The following DMXL1 variants were observed in gnomAD, a reference collection of about 807,000 sequenced individuals.
The protein encoded by DMXL1 is Dmx like 1.
A neutral mutation model predicts 319.2 loss-of-function variants in DMXL1; 99 were observed. That is an observed-to-expected ratio of 0.31 (90% CI 0.26 to 0.37). The LOEUF (loss-of-function observed/expected upper bound fraction) is 0.37. Ranked by LOEUF, DMXL1 falls within the 10% of genes least tolerant of loss-of-function variation. DMXL1 has a pLI of 1.00. For missense variants in DMXL1, 3,745 were observed against 3,595.6 expected (o/e 1.04, Z -1.06); for synonymous variants, 1,385 against 1,235.2 (o/e 1.12, Z -2.54).
intron 26 of DMXL1, 77 bp downstream of exon 26, chr5:119,175,414 G>A: frequency 9.5e-7 from 1 of 1,050,888 alleles, no homozygotes; most frequent in Non-Finnish European, 1.4e-6. Context: ...TAGTGGTTTA[G>A]AACTATATAT....
chr5:119,210,585 G>T (rs79421171), intron 34 of DMXL1, among the ~76,000 whole-genome samples: 4,211 of 152,044 alleles, frequency 0.028, 183 homozygotes, highest in African/African-American at 0.096. Flanking sequence ...TCAAAAATCA[G>T]TTGACACAGA....
In DMXL1 at chr5:119,121,087, T is replaced by C. The variant is rs1270068027; in HGVS notation, c.1050T>C (p.His350=). 2 of 1,612,512 alleles carry C rather than the reference T, an allele frequency of 1.2e-6. No individual in the cohort carries two copies. Among genetic ancestry groups the C allele is most frequent in the Admixed American group, 1.7e-5 (1 of 59,366 alleles). The part of the protein sequence containing the change: ...PHHVHRNTPL[H]ANALCHFHIA... ...ATGTTCACAGGAACACTCCACTGCA[T>C]GCCAATGCACTTTGCCACTTTCATA... The change falls in exon 9 of 44, where the codon CAT becomes CAC. Residue 350 remains histidine, a synonymous_variant. Transcript: ENST00000539542.
rs1048306652 is a variant in DMXL1 at position 119,081,771 on chromosome 5, C to T, written c.87+10115C>T. 1.3e-5 allele frequency: 13 copies of T among 964,370 alleles called. No individual in the cohort carries two copies. The East Asian group carries it at 3.4e-4, about 26-fold the overall frequency. The allele number at this position is 964,370 out of a possible 1,614,324, so 59.7% of individuals were successfully genotyped here. Reference sequence around the variant, plus strand: ...CTGTGCATGGAGAATTTTGTTCTTACGTGTATTTGAAGGTAGTTTTTGGCC... The same window carrying T: ...CTGTGCATGGAGAATTTTGTTCTTATGTGTATTTGAAGGTAGTTTTTGGCC... On this transcript the variant is annotated intron_variant, in intron 1 of 43. Coordinates refer to ENST00000539542, the MANE Select transcript of DMXL1 (RefSeq NM_001290321.3).
chr5:119,193,917 T>C lies in DMXL1; in HGVS notation c.7404T>C (p.Asp2468=). ...SDDDDNDDDD[D]VLASDFHLQE... ...ATGATGACAATGATGATGATGATGATGTTTTAGCATCAGATTTCCATCTCC... is the reference window on the plus strand; with the variant it reads ...ATGATGACAATGATGATGATGATGACGTTTTAGCATCAGATTTCCATCTCC... Residue 2468 remains aspartate, a synonymous_variant, in exon 30 of 44, where the codon GAT becomes GAC. Coordinates refer to ENST00000539542, the MANE Select transcript of DMXL1 (RefSeq NM_001290321.3). 6.2e-7 allele frequency: 1 copy of C among 1,611,258 alleles called. No individual in the cohort carries two copies. The highest frequency in any genetic ancestry group is 8.5e-7 in the Non-Finnish European group (1 of 1,178,114).
intron 1 of DMXL1, among the ~76,000 whole-genome samples, chr5:119,085,496 T>C (rs961012745): frequency 1.3e-5 from 2 of 152,158 alleles, no homozygotes; most frequent in South Asian, 2.1e-4. Context: ...CTATACACCA[T>C]TGATGTATAG....
intron 8 of DMXL1, among the ~76,000 whole-genome samples, chr5:119,119,909 C>T (rs1422272342): frequency 2.0e-5 from 3 of 151,500 alleles, no homozygotes; most frequent in Non-Finnish European, 2.9e-5. Flanking sequence ...GAGACAGAGT[C>T]TCTGTCTGTC....
At chr5:119,183,199 T>C (rs1581197651) in intron 28 of DMXL1, among the ~76,000 whole-genome samples, 2 of 152,324 alleles carry the variant, frequency 1.3e-5, no homozygotes, top group South Asian at 2.1e-4. Flanking sequence ...AAAATCCACT[T>C]TTTGCTTTTT....
At chr5:119,128,148 T>A (rs1473867550) in intron 9 of DMXL1, 1 of 496,212 alleles carries the variant, frequency 2.0e-6, no homozygotes, top group African/African-American at 2.0e-5. Context: ...GAACACCACC[T>A]TCTTTGATTA....
intron 19 of DMXL1, among the ~76,000 whole-genome samples, chr5:119,153,491 A>G (rs1485651488): frequency 2.6e-5 from 4 of 152,230 alleles, no homozygotes; most frequent in Non-Finnish European, 2.9e-5. Flanking sequence ...ACTATTATTA[A>G]AGGTAGCTAC....
intron 1 of DMXL1, among the ~76,000 whole-genome samples, chr5:119,083,979 A>G (rs1252512838): frequency 6.6e-6 from 1 of 152,110 alleles, no homozygotes; most frequent in Non-Finnish European, 1.5e-5. Flanking sequence ...GTTAAAAGCC[A>G]TTTTAACTGG....
At chr5:119,190,980 C>T (rs1270181673) in intron 29 of DMXL1, among the ~76,000 whole-genome samples, 1 of 152,132 alleles carries the variant, frequency 6.6e-6, no homozygotes, top group African/African-American at 2.4e-5. Context: ...ATTCAAACTA[C>T]TCTTGATAAA....
chr5:119,119,637 G>A (rs887864489), intron 8 of DMXL1, among the ~76,000 whole-genome samples: 5 of 151,402 alleles, frequency 3.3e-5, no homozygotes. Flanking sequence ...AGACTCCTGA[G>A]TAGCTGGAAT....
chr5:119,164,096 G>GTTT (rs746909307), intron 19 of DMXL1, among the ~76,000 whole-genome samples: 102 of 146,208 alleles, frequency 7.0e-4, no homozygotes, highest in African/African-American at 2.5e-3. Flanking sequence ...CTTGCTTGAT[G>GTTT]TTTTTTTTTT....
intron 8 of DMXL1, 31 bp from the exon 9 acceptor site, chr5:119,120,940 A>G (rs939580529): frequency 1.1e-5 from 17 of 1,574,116 alleles, no homozygotes; most frequent in Admixed American, 3.7e-5. Context: ...TTTTGACAAT[A>G]TAGGTATTAG....
At chr5:119,154,676 AT>A (rs1368390246) in intron 19 of DMXL1, 1 of 154,310 alleles carries the variant, frequency 6.5e-6, no homozygotes, top group African/African-American at 2.4e-5. Flanking sequence ...CTTCTACGTC[AT>A]TCAGCACTTG....
In DMXL1 at chr5:119,150,261, G is replaced by A. The variant is rs762552633; in HGVS notation, c.4434G>A (p.Pro1478=). 20 of 1,613,700 alleles carry A rather than the reference G, an allele frequency of 1.2e-5. 1 individual carries two copies. The highest frequency in any genetic ancestry group is 1.1e-4 in the South Asian group (10 of 91,018). The change falls in exon 18 of 44, where the codon CCG becomes CCA. Residue 1478 remains proline (P), a synonymous_variant. Coordinates refer to ENST00000539542, the MANE Select transcript of DMXL1 (RefSeq NM_001290321.3). The part of the protein sequence containing the change: ...PRVIDLSQYS[P]TYFGPEHAQV... ...TTATTGACCTTTCACAGTACAGTCC[G>A]ACTTACTTTGGACCTGAGCATGCTC... is the stretch of plus-strand genomic sequence containing the variant.
intron 38 of DMXL1, 99 bp from the exon 39 acceptor site, chr5:119,233,241 A>C: frequency 1.7e-6 from 2 of 1,199,834 alleles, no homozygotes; most frequent in Non-Finnish European, 2.4e-6. Context: ...AAGTTGATTT[A>C]GATGTTTCTT....
At chr5:119,096,270 G>A (rs937790613) in intron 1 of DMXL1, among the ~76,000 whole-genome samples, 15 of 151,266 alleles carry the variant, frequency 9.9e-5, no homozygotes, top group African/African-American at 3.2e-4. Context: ...TCCACCTCCC[G>A]GGTTCAAGCG....
chr5:119,173,037 G>A (rs1774904438), intron 25 of DMXL1, among the ~76,000 whole-genome samples: 1 of 152,020 alleles, frequency 6.6e-6, no homozygotes, highest in Non-Finnish European at 1.5e-5. Context: ...GTTACCTTTT[G>A]CTGCTTAAGA....
Sources: allele counts gnomAD v4.1 joint callset (sites outside exome capture counted in the v4.1 genomes callset), GRCh38; gene constraint gnomAD v4.1.1; transcripts MANE v1.5; gene names NCBI Gene and HGNC (gene_info 2026-07-23, HGNC 2026-07-21).